The following GRM7 variants were observed in gnomAD, a reference collection of about 807,000 sequenced individuals.
The protein encoded by GRM7 is glutamate metabotropic receptor 7.
Under a neutral mutation model 84.5 loss-of-function variants are expected in GRM7, and 35 were observed. The ratio of observed to expected loss-of-function variants is 0.41; its 90% confidence interval spans 0.32 to 0.55. The LOEUF is 0.55. Among genes scored for constraint, GRM7 ranks in the 20% least tolerant of loss-of-function variants. The pLI is 0.19. For missense variants in GRM7, 1,003 were observed against 1,194.6 expected, an observed-to-expected ratio of 0.84 and a Z score of 2.36; for synonymous variants, 487 against 455.1, an observed-to-expected ratio of 1.07 and a Z score of -0.89.
intron 4 of GRM7, among the ~76,000 whole-genome samples, chr3:7,380,352 A>G (rs138514557): frequency 1.5e-3 from 71 of 47,038 alleles, no homozygotes; most frequent in Non-Finnish European, 2.6e-3. Flanking sequence ...TGCGCATCAT[A>G]TTTAGTTCAG....
At chr3:6,895,046 A>C (rs1307384438) in intron 1 of GRM7, among the ~76,000 whole-genome samples, 1 of 152,176 alleles carries the variant, frequency 6.6e-6, no homozygotes, top group Non-Finnish European at 1.5e-5. Flanking sequence ...GGAGTAGAAA[A>C]GAAAAGCCGC....
intron 1 of GRM7, among the ~76,000 whole-genome samples, chr3:7,006,079 C>T (rs140523993): frequency 1.6e-3 from 247 of 152,264 alleles, no homozygotes; most frequent in African/African-American, 5.3e-3. Flanking sequence ...GGTTACTTAA[C>T]AACCTTCCCC....
chr3:7,413,049 CCT>C (rs1222050388), intron 4 of GRM7, among the ~76,000 whole-genome samples: 1 of 151,986 alleles, frequency 6.6e-6, no homozygotes, highest in Non-Finnish European at 1.5e-5. Context: ...TGCTTCTACC[CCT>C]GACTTTCCCT....
At chr3:7,249,146 G>C (rs1235099256) in intron 2 of GRM7, among the ~76,000 whole-genome samples, 2 of 151,962 alleles carry the variant, frequency 1.3e-5, no homozygotes, top group Non-Finnish European at 2.9e-5. Flanking sequence ...AATTGTTTGG[G>C]ATAAAACTTC....
intron 1 of GRM7, among the ~76,000 whole-genome samples, chr3:6,998,059 C>CAGT (rs1694882496): frequency 7.5e-6 from 1 of 134,124 alleles, no homozygotes; most frequent in East Asian, 2.3e-4. Context: ...GTGGAGGTTG[C>CAGT]AGTGAGCCAA....
At chr3:7,076,916 A>G (rs1698102535) in intron 1 of GRM7, among the ~76,000 whole-genome samples, 1 of 152,198 alleles carries the variant, frequency 6.6e-6, no homozygotes, top group South Asian at 2.1e-4. Context: ...GGCGAAGGAT[A>G]TGAATAGAAA....
At chr3:6,920,783 G>A (rs951612667) in intron 1 of GRM7, among the ~76,000 whole-genome samples, 3 of 152,028 alleles carry the variant, frequency 2.0e-5, no homozygotes, top group African/African-American at 7.2e-5. Context: ...TTCACGAGCT[G>A]CTGATAGTTA....
chr3:7,368,305 T>C (rs574656048), intron 4 of GRM7, among the ~76,000 whole-genome samples: 2 of 152,248 alleles, frequency 1.3e-5, no homozygotes, highest in East Asian at 1.9e-4. Context: ...TGATATATTA[T>C]TATCTTTCCT....
At chr3:7,616,786 A>G (rs1697100880) in intron 8 of GRM7, among the ~76,000 whole-genome samples, 1 of 152,194 alleles carries the variant, frequency 6.6e-6, no homozygotes, top group Non-Finnish European at 1.5e-5. Context: ...CTCAGATAAT[A>G]GATTTACTTC....
At chr3:7,541,759 C>G (rs1407733466) in intron 7 of GRM7, among the ~76,000 whole-genome samples, 1 of 152,196 alleles carries the variant, frequency 6.6e-6, no homozygotes, top group Non-Finnish European at 1.5e-5. Flanking sequence ...ATCTGCATTT[C>G]TTACTGGTGT....
chr3:7,621,954 G>T (rs1396623772), intron 8 of GRM7, among the ~76,000 whole-genome samples: 1 of 152,128 alleles, frequency 6.6e-6, no homozygotes, highest in Non-Finnish European at 1.5e-5. Context: ...TTGTGAATCT[G>T]GGCAAATGCT....
chr3:7,715,127 T>G (rs1305058123), intron 9 of GRM7, among the ~76,000 whole-genome samples: 1 of 152,080 alleles, frequency 6.6e-6, no homozygotes, highest in Non-Finnish European at 1.5e-5. Context: ...CAATAGGAAA[T>G]TATCTGTATC....
chr3:7,074,190 T>C (rs1273369540), intron 1 of GRM7, among the ~76,000 whole-genome samples: 1 of 152,184 alleles, frequency 6.6e-6, no homozygotes, highest in Non-Finnish European at 1.5e-5. Flanking sequence ...AAAATAACAC[T>C]GTGGAGTTGG....
chr3:6,872,014 G>A (rs1248385409), intron 1 of GRM7, among the ~76,000 whole-genome samples: 1 of 152,022 alleles, frequency 6.6e-6, no homozygotes, highest in Non-Finnish European at 1.5e-5. Flanking sequence ...GCATCTTTCT[G>A]TATAGAAATC....
At chr3:7,203,696 A>C (rs762146560) in intron 2 of GRM7, among the ~76,000 whole-genome samples, 2 of 152,192 alleles carry the variant, frequency 1.3e-5, no homozygotes, top group Non-Finnish European at 2.9e-5. Flanking sequence ...GGTTGCACTA[A>C]CTTATATTCC....
At chr3:7,494,212 T>A (rs769131862) in intron 7 of GRM7, among the ~76,000 whole-genome samples, 1 of 152,158 alleles carries the variant, frequency 6.6e-6, no homozygotes. Context: ...GGTTTCCATG[T>A]CTCCTTTATC....
At chr3:7,297,087 A>G (rs1699841017) in intron 2 of GRM7, among the ~76,000 whole-genome samples, 1 of 152,028 alleles carries the variant, frequency 6.6e-6, no homozygotes, top group African/African-American at 2.4e-5. Flanking sequence ...GTGAATGTTT[A>G]CGTTGCTGAT....
At chr3:7,175,698 T>C (rs1292099377) in intron 2 of GRM7, among the ~76,000 whole-genome samples, 2 of 152,082 alleles carry the variant, frequency 1.3e-5, no homozygotes, top group Non-Finnish European at 2.9e-5. Flanking sequence ...CCATCACTCC[T>C]AGCTAATTTT....
At chr3:7,308,415 T>A (rs1427176795) in intron 4 of GRM7, among the ~76,000 whole-genome samples, 1 of 152,172 alleles carries the variant, frequency 6.6e-6, no homozygotes, top group African/African-American at 2.4e-5. Context: ...ATCCCTATTA[T>A]GCACCATCGT....
Sources: allele counts gnomAD v4.1 joint callset (sites outside exome capture counted in the v4.1 genomes callset), GRCh38; gene constraint gnomAD v4.1.1; transcripts MANE v1.5; gene names NCBI Gene and HGNC (gene_info 2026-07-23, HGNC 2026-07-21).